IL1RAPL2: variants seen among roughly 807,000 people sequenced by gnomAD.
IL1RAPL2 encodes interleukin 1 receptor accessory protein like 2.
Under a neutral mutation model 44.1 loss-of-function variants are expected in IL1RAPL2, and 3 were observed. The observed-to-expected ratio is 0.07, with a 90% CI of 0.03 to 0.18. The LOEUF is 0.18. Among genes scored for constraint, IL1RAPL2 ranks in the 10% least tolerant of loss-of-function variants. The pLI is 1.00. For missense variants in IL1RAPL2, 391 were observed against 496.4 expected (o/e 0.79, Z 2.02); for synonymous variants, 181 against 178.8 (o/e 1.01, Z -0.10).
intron 6 of IL1RAPL2, among the ~76,000 whole-genome samples, chrX:105,631,453 T>G (rs1286980130): frequency 1.8e-5 from 2 of 112,185 alleles, no homozygotes; most frequent in African/African-American, 6.5e-5. Flanking sequence ...AGAGAAATGG[T>G]GAGGGCATGC....
intron 2 of IL1RAPL2, among the ~76,000 whole-genome samples, chrX:105,018,327 C>A (rs1014876023): frequency 1.8e-5 from 2 of 111,200 alleles, no homozygotes; most frequent in African/African-American, 6.5e-5. Flanking sequence ...TATCCTGTGA[C>A]TTTTTATGTG....
intron 2 of IL1RAPL2, among the ~76,000 whole-genome samples, chrX:104,791,697 A>G (rs1383006341): frequency 3.6e-5 from 4 of 111,755 alleles, no homozygotes; most frequent in Non-Finnish European, 1.9e-5. Context: ...AAAGTCTCTT[A>G]TTATATTCCA....
intron 5 of IL1RAPL2, among the ~76,000 whole-genome samples, chrX:105,420,899 C>T (rs771971256): frequency 2.7e-4 from 30 of 111,548 alleles, no homozygotes; most frequent in East Asian, 2.0e-3. Context: ...CCTCAAAAAG[C>T]GAAAGACAGA....
At chrX:105,082,631 G>T (rs1046611616) in intron 2 of IL1RAPL2, among the ~76,000 whole-genome samples, 4 of 111,672 alleles carry the variant, frequency 3.6e-5, no homozygotes, top group Non-Finnish European at 5.6e-5. Flanking sequence ...CTGTTCTGCA[G>T]CCTCCTCTAG....
chrX:105,446,846 A>G (rs1019459968), intron 5 of IL1RAPL2, among the ~76,000 whole-genome samples: 2 of 106,247 alleles, frequency 1.9e-5, no homozygotes, highest in East Asian at 5.9e-4. Context: ...ACCATGTTAT[A>G]CTATTCTGTG....
At chrX:104,607,910 G>A (rs1390807997) in intron 1 of IL1RAPL2, among the ~76,000 whole-genome samples, 2 of 111,742 alleles carry the variant, frequency 1.8e-5, no homozygotes, top group Non-Finnish European at 3.8e-5. Context: ...AATCATGCTA[G>A]TATACAGACA....
At chrX:105,177,001 A>G (rs1417581694) in intron 2 of IL1RAPL2, among the ~76,000 whole-genome samples, 2 of 111,590 alleles carry the variant, frequency 1.8e-5, no homozygotes, top group Non-Finnish European at 3.8e-5. Context: ...TCATGTAGCT[A>G]TCTGAGGGAA....
intron 6 of IL1RAPL2, among the ~76,000 whole-genome samples, chrX:105,545,719 A>T (rs1478494480): frequency 3.6e-5 from 4 of 109,996 alleles, no homozygotes; most frequent in Non-Finnish European, 7.6e-5. Context: ...TGCTTTTAAG[A>T]TTTTCTCTTT....
intron 2 of IL1RAPL2, among the ~76,000 whole-genome samples, chrX:105,176,642 T>C (rs1300546782): frequency 9.0e-6 from 1 of 110,592 alleles, no homozygotes; most frequent in Non-Finnish European, 1.9e-5. Context: ...TACTGACATG[T>C]ACTCCCAGGT....
chrX:105,102,017 A>T (rs2147560642), intron 2 of IL1RAPL2, among the ~76,000 whole-genome samples: 1 of 112,020 alleles, frequency 8.9e-6, no homozygotes, highest in South Asian at 3.7e-4. Flanking sequence ...AAAATTAAAT[A>T]TTTTAAAATG....
At chrX:104,633,462 A>G (rs1929705724) in intron 1 of IL1RAPL2, among the ~76,000 whole-genome samples, 1 of 111,730 alleles carries the variant, frequency 9.0e-6, no homozygotes, top group Non-Finnish European at 1.9e-5. Context: ...CTGTGAATCC[A>G]TCAGGTCCTG....
chrX:105,465,325 T>G (rs2036120377), intron 5 of IL1RAPL2, among the ~76,000 whole-genome samples: 2 of 112,169 alleles, frequency 1.8e-5, no homozygotes, highest in South Asian at 7.3e-4. Flanking sequence ...AAGAAAAGTC[T>G]TCTTTCCTGA....
At chrX:104,600,659 C>T (rs1301919016) in intron 1 of IL1RAPL2, among the ~76,000 whole-genome samples, 2 of 110,554 alleles carry the variant, frequency 1.8e-5, no homozygotes, top group African/African-American at 3.3e-5. Flanking sequence ...TTTTTCAACA[C>T]TTGCCCCATT....
At chrX:104,628,543 A>G (rs1480650269) in intron 1 of IL1RAPL2, among the ~76,000 whole-genome samples, 1 of 112,153 alleles carries the variant, frequency 8.9e-6, no homozygotes, top group Non-Finnish European at 1.9e-5. Context: ...ATGGCTGAAT[A>G]GTATTCCATT....
At chrX:104,691,118 C>T (rs1477172371) in intron 2 of IL1RAPL2, among the ~76,000 whole-genome samples, 1 of 112,053 alleles carries the variant, frequency 8.9e-6, no homozygotes, top group African/African-American at 3.2e-5. Context: ...GTAGAGGTTC[C>T]AGATATTTGC....
At chrX:104,868,450 G>A (rs1025343293) in intron 2 of IL1RAPL2, among the ~76,000 whole-genome samples, 2 of 111,596 alleles carry the variant, frequency 1.8e-5, no homozygotes, top group Non-Finnish European at 3.8e-5. Flanking sequence ...CGAAAACAAC[G>A]GACCCATTCC....
intron 5 of IL1RAPL2, among the ~76,000 whole-genome samples, chrX:105,419,192 A>G (rs1052337592): frequency 2.7e-5 from 3 of 111,888 alleles, no homozygotes; most frequent in African/African-American, 9.7e-5. Flanking sequence ...GAAAACATCT[A>G]TGTTATAAAG....
chrX:104,585,287 ATATAT>A (rs1317691432), intron 1 of IL1RAPL2, among the ~76,000 whole-genome samples: 167 of 8,145 alleles, frequency 0.021, 19 homozygotes, highest in African/African-American at 0.17. Context: ...ATATTATATA[ATATAT>A]TATATATTAT....
chrX:104,764,858 C>G (rs1385845984), intron 2 of IL1RAPL2, among the ~76,000 whole-genome samples: 5 of 112,157 alleles, frequency 4.5e-5, no homozygotes, highest in African/African-American at 1.6e-4. Flanking sequence ...GTATCACATT[C>G]ATTCATTTGC....
Sources: gnomAD v4.1 joint callset for allele counts (sites outside exome capture counted in the v4.1 genomes callset) on GRCh38, gnomAD v4.1.1 for gene constraint, MANE v1.5 for transcripts, NCBI Gene and HGNC (gene_info 2026-07-23, HGNC 2026-07-21) for gene names.